Variants in BTD observed in about 807,000 individuals in gnomAD.
The protein encoded by BTD is biocytinase.
In BTD, 13 loss-of-function variants were observed where a neutral mutation model predicts 17.7. That is an observed-to-expected ratio of 0.74 (90% CI 0.48 to 1.17). The LOEUF is 1.17. Ranked by LOEUF, BTD falls within the 50% of genes most tolerant of loss-of-function variation. The probability of loss-of-function intolerance (pLI) is 0.00; values close to 1 mark genes in which losing one functional copy is unlikely to be tolerated. For synonymous variants in BTD, 240 were observed against 245.2 expected (o/e 0.98, Z 0.20); for missense variants, 674 against 650.4 (o/e 1.04, Z -0.39).
At chr3:15,631,504 A>G in intron 1 of BTD, 1 of 1,528,960 alleles carries the variant, frequency 6.5e-7, no homozygotes, top group East Asian at 2.4e-5. Context: ...AGGTGGGGAA[A>G]AATCCCTTGT....
chr3:15,601,983 A>T, intron 1 of BTD, 89 bp downstream of exon 1: 2 of 1,570,090 alleles, frequency 1.3e-6, no homozygotes, highest in Non-Finnish European at 1.7e-6. Context: ...GGACTTGGGG[A>T]GGGCTGCGCA....
At position 15,652,751 on chromosome 3, in the gene BTD, C is replaced by CAA. The variant is rs551252226; in HGVS notation, c.*7264_*7265dup. Among the ~76,000 whole-genome samples the CAA allele has an allele frequency of 2.0e-5, 3 of 152,352 alleles. No individual in the cohort carries two copies. The highest frequency in any genetic ancestry group is 7.2e-5 in the African/African-American group (3 of 41,590). On this transcript the variant is annotated 3_prime_UTR_variant, in exon 4 of 4. Transcript: ENST00000643237. ...TCCAAGTTAAAATTCATCCAACACT[C>CAA]AATCTCCCAGCTATCCTGACTGCTC...
intron 3 of BTD, among the ~76,000 whole-genome samples, chr3:15,710,034 A>AT (rs1421472228): frequency 1.6e-5 from 1 of 61,478 alleles, no homozygotes; most frequent in Non-Finnish European, 3.0e-5. Context: ...ACTTGCTTAT[A>AT]GGTTTTTTTT....
At chr3:15,679,826 C>A (rs1179119417) in intron 3 of BTD, among the ~76,000 whole-genome samples, 6 of 151,894 alleles carry the variant, frequency 4.0e-5, no homozygotes, top group Non-Finnish European at 8.8e-5. Context: ...TTCAACCAAC[C>A]CCAAATTAAA....
At chr3:15,602,515 A>AT (rs2064296757) in intron 1 of BTD, among the ~76,000 whole-genome samples, 3 of 152,328 alleles carry the variant, frequency 2.0e-5, no homozygotes, top group South Asian at 4.1e-4. Context: ...ACTGCCTTGG[A>AT]GTCATTAGAC....
intron 1 of BTD, among the ~76,000 whole-genome samples, chr3:15,612,118 T>C (rs957167884): frequency 3.3e-5 from 5 of 152,218 alleles, no homozygotes; most frequent in African/African-American, 9.6e-5. Flanking sequence ...TTCCTCACTG[T>C]TACCACCTTT....
At chr3:15,627,371 T>C (rs773748341) in intron 1 of BTD, among the ~76,000 whole-genome samples, 1 of 152,206 alleles carries the variant, frequency 6.6e-6, no homozygotes, top group Non-Finnish European at 1.5e-5. Context: ...TACAAGTGCA[T>C]GCCACCATGC....
At chr3:15,610,539 A>T (rs996796204) in intron 1 of BTD, among the ~76,000 whole-genome samples, 3 of 152,200 alleles carry the variant, frequency 2.0e-5, no homozygotes, top group Non-Finnish European at 4.4e-5. Flanking sequence ...AATATAGTTC[A>T]TTCTCATCCC....
At chr3:15,633,681 C>T (rs9870498) in intron 1 of BTD, among the ~76,000 whole-genome samples, 6,555 of 152,310 alleles carry the variant, frequency 0.043, 404 homozygotes, top group African/African-American at 0.14. Context: ...CCCTCCTCTC[C>T]TGGCCTCAGT....
intron 3 of BTD, chr3:15,676,317 G>C: frequency 4.7e-6 from 1 of 213,290 alleles, no homozygotes; most frequent in Non-Finnish European, 9.2e-6. Context: ...CGTTGTTAAG[G>C]AATGAGGCTG....
intron 3 of BTD, among the ~76,000 whole-genome samples, chr3:15,695,418 C>A (rs748394399): frequency 1.2e-4 from 18 of 152,046 alleles, no homozygotes; most frequent in African/African-American, 4.3e-4. Context: ...GTGTGAATAT[C>A]CATAACGTAG....
At chr3:15,720,074 G>T (rs1046498591) in intron 4 of BTD, among the ~76,000 whole-genome samples, 3 of 151,874 alleles carry the variant, frequency 2.0e-5, no homozygotes, top group African/African-American at 7.3e-5. Flanking sequence ...ATGCTGTCCA[G>T]GCTAGTCCTG....
Position 15,650,329 on chromosome 3 carries a change from A to C in BTD, c.*4841A>C, listed in dbSNP as rs1462329299. 6.6e-6 allele frequency among the ~76,000 whole-genome samples: 1 copy of C among 152,244 alleles called. No individual in the cohort carries two copies. The highest frequency in any genetic ancestry group is 1.5e-5 in the Non-Finnish European group (1 of 68,048). ...AATAACAGCTGCACCGTTAAAAATG[A>C]AATTACCAATATATGAACTCTAGGC... is the stretch of plus-strand genomic sequence containing the variant. On this transcript the variant is annotated 3_prime_UTR_variant, in exon 4 of 4. Transcript: ENST00000643237.
At chr3:15,610,552 T>C (rs1028897759) in intron 1 of BTD, among the ~76,000 whole-genome samples, 12 of 152,200 alleles carry the variant, frequency 7.9e-5, no homozygotes, top group African/African-American at 2.9e-4. Flanking sequence ...CTCATCCCAG[T>C]GATACATAAT....
chr3:15,602,697 G>A (rs1341383728), intron 1 of BTD, among the ~76,000 whole-genome samples: 2 of 152,144 alleles, frequency 1.3e-5, no homozygotes, highest in Admixed American at 6.5e-5. Context: ...AGCACTGGAA[G>A]TGAAACGATT....
intron 3 of BTD, among the ~76,000 whole-genome samples, chr3:15,691,723 A>C (rs1220394084): frequency 2.0e-5 from 3 of 152,242 alleles, no homozygotes; most frequent in Non-Finnish European, 4.4e-5. Context: ...ACGGAATTCT[A>C]CTGTTTTAGG....
At chr3:15,700,401 C>T (rs1183739631) in intron 3 of BTD, among the ~76,000 whole-genome samples, 2 of 151,776 alleles carry the variant, frequency 1.3e-5, no homozygotes, top group African/African-American at 4.8e-5. Flanking sequence ...ACATGTATAC[C>T]TATCTAACAA....
chr3:15,667,548 T>TA (rs1338153742), intron 3 of BTD: 3 of 152,254 alleles, frequency 2.0e-5, no homozygotes, highest in African/African-American at 7.2e-5. Flanking sequence ...GCTTTAGACA[T>TA]ACAAGGTGTA....
At position 15,653,080 on chromosome 3, in the gene BTD, G is replaced by T. The variant is rs772179920; in HGVS notation, c.*7592G>T. ...CCAGACAGAGTTATCCAACAGCCTGGTATGGTGCAGACCAGGGGCTCTCGA... is the reference window on the plus strand; with the variant it reads ...CCAGACAGAGTTATCCAACAGCCTGTTATGGTGCAGACCAGGGGCTCTCGA... On this transcript the variant is annotated 3_prime_UTR_variant, in exon 4 of 4. Coordinates refer to ENST00000643237, the MANE Select transcript of BTD (RefSeq NM_001370658.1). Among the ~76,000 whole-genome samples, 5 of 152,222 alleles carry T rather than the reference G, an allele frequency of 3.3e-5. No homozygotes were observed. Among genetic ancestry groups the T allele is most frequent in the Non-Finnish European group, 7.3e-5 (5 of 68,028 alleles).
Sources: gnomAD v4.1 joint callset for allele counts (sites outside exome capture counted in the v4.1 genomes callset) on GRCh38, gnomAD v4.1.1 for gene constraint, MANE v1.5 for transcripts, NCBI Gene and HGNC (gene_info 2026-07-23, HGNC 2026-07-21) for gene names.